CHRM3: variants seen among roughly 807,000 people sequenced by gnomAD.
The protein encoded by CHRM3 is muscarinic acetylcholine receptor M3.
In CHRM3, 11 loss-of-function variants were observed where a neutral mutation model predicts 41.8. That is an observed-to-expected ratio of 0.26 (90% CI 0.17 to 0.44). The LOEUF (loss-of-function observed/expected upper bound fraction) is 0.44. Ranked by LOEUF, CHRM3 falls within the 20% of genes least tolerant of loss-of-function variation. The pLI is 1.00. For missense variants in CHRM3, 571 were observed against 745.4 expected (o/e 0.77, Z 2.72); for synonymous variants, 297 against 301.4 (o/e 0.99, Z 0.15).
intron 5 of CHRM3, among the ~76,000 whole-genome samples, chr1:239,756,495 T>TAGA (rs1363142611): frequency 6.6e-6 from 1 of 152,204 alleles, no homozygotes; most frequent in Non-Finnish European, 1.5e-5. Context: ...GAGATGTTAA[T>TAGA]AGATGTTGAT....
At chr1:239,627,488 T>C (rs975227808) in intron 3 of CHRM3, among the ~76,000 whole-genome samples, 1 of 103,368 alleles carries the variant, frequency 9.7e-6, no homozygotes. Flanking sequence ...AATTGCAGAA[T>C]TTAGTCCATT....
At chr1:239,565,918 T>C (rs1022013436) in intron 3 of CHRM3, among the ~76,000 whole-genome samples, 11 of 148,062 alleles carry the variant, frequency 7.4e-5, no homozygotes, top group African/African-American at 2.2e-4. Context: ...TTCTTTTTTT[T>C]TTTTTTTTTT....
intron 2 of CHRM3, among the ~76,000 whole-genome samples, chr1:239,515,855 T>A (rs1344813726): frequency 6.6e-6 from 1 of 152,188 alleles, no homozygotes; most frequent in Non-Finnish European, 1.5e-5. Context: ...CTATATTTTA[T>A]GTTTATTAAG....
At chr1:239,688,332 G>T (rs1004455586) in intron 5 of CHRM3, among the ~76,000 whole-genome samples, 4 of 145,810 alleles carry the variant, frequency 2.7e-5, no homozygotes, top group Non-Finnish European at 4.5e-5. Flanking sequence ...ATTTGTGTGT[G>T]TTTGTGTGTG....
At chr1:239,799,373 G>T (rs775150259) in intron 5 of CHRM3, among the ~76,000 whole-genome samples, 38 of 152,266 alleles carry the variant, frequency 2.5e-4, no homozygotes, top group Non-Finnish European at 3.8e-4. Flanking sequence ...CATCATAAAT[G>T]CCTTCAAGGA....
intron 4 of CHRM3, among the ~76,000 whole-genome samples, chr1:239,676,528 C>T (rs1352936428): frequency 1.3e-5 from 2 of 152,232 alleles, no homozygotes; most frequent in African/African-American, 4.8e-5. Context: ...GCAAAGCATT[C>T]ACTGTCAAGA....
intron 1 of CHRM3, among the ~76,000 whole-genome samples, chr1:239,434,127 T>C (rs917919723): frequency 1.3e-5 from 2 of 152,228 alleles, no homozygotes; most frequent in Non-Finnish European, 2.9e-5. Flanking sequence ...AATTCCCATC[T>C]CAAAGCTCTA....
chr1:239,455,412 T>C (rs962723526), intron 1 of CHRM3, among the ~76,000 whole-genome samples: 4 of 152,014 alleles, frequency 2.6e-5, no homozygotes, highest in Admixed American at 1.3e-4. Flanking sequence ...TCAAGGGGTG[T>C]TCCAGAAGAA....
chr1:239,864,534 A>G (rs1445707990), intron 6 of CHRM3, among the ~76,000 whole-genome samples: 1 of 132,244 alleles, frequency 7.6e-6, no homozygotes, highest in Non-Finnish European at 1.6e-5. Flanking sequence ...ACACACACAC[A>G]CACACACACA....
At chr1:239,623,483 G>GTA (rs1553342738) in intron 3 of CHRM3, among the ~76,000 whole-genome samples, 97 of 133,566 alleles carry the variant, frequency 7.3e-4, no homozygotes, top group African/African-American at 2.7e-3. Context: ...TGGTGTATAA[G>GTA]TTTTTTTTTT....
chr1:239,784,841 C>T (rs999269222), intron 5 of CHRM3, among the ~76,000 whole-genome samples: 23 of 152,168 alleles, frequency 1.5e-4, no homozygotes, highest in African/African-American at 4.8e-4. Flanking sequence ...CCTCCCTTGA[C>T]ACATTTGGAG....
chr1:239,531,751 C>CT (rs1158265237), intron 2 of CHRM3, among the ~76,000 whole-genome samples: 1 of 135,660 alleles, frequency 7.4e-6, no homozygotes, highest in Non-Finnish European at 1.5e-5. Context: ...CCTCCACCTG[C>CT]TGGGTTCATG....
intron 5 of CHRM3, among the ~76,000 whole-genome samples, chr1:239,761,405 C>T (rs1213152323): frequency 6.6e-6 from 1 of 152,114 alleles, no homozygotes; most frequent in Admixed American, 6.5e-5. Flanking sequence ...TTATGTGTTG[C>T]ATGTTTCTGC....
At position 239,790,988 on chromosome 1, in the gene CHRM3, G is replaced by GT. The variant is rs1378258402; in HGVS notation, c.-146-36257dup. Among the ~76,000 whole-genome samples the GT allele has an allele frequency of 6.5e-5, 9 of 138,124 alleles. No individual in the cohort carries two copies. In the East Asian group the frequency reaches 1.5e-3, roughly 24 times the overall value. The allele number at this position is 138,124 out of a possible 152,430, so 90.6% of individuals were successfully genotyped here. A position where few individuals can be genotyped will look rare whatever the true frequency, so the allele number is the denominator to read the frequency against. ...CAAGAGAGATTTTATTTTGTTTTTT[G>GT]TTTTTTTCTGGTAAAATATCACCAA... On this transcript the variant is annotated intron_variant, in intron 5 of 6. Coordinates refer to ENST00000676153, the MANE Select transcript of CHRM3 (RefSeq NM_001375978.1).
At chr1:239,745,657 C>G (rs924901280) in intron 5 of CHRM3, among the ~76,000 whole-genome samples, 4 of 151,994 alleles carry the variant, frequency 2.6e-5, no homozygotes, top group Middle Eastern at 3.2e-3. Context: ...GCCCCCACCA[C>G]CCTTTAGAAG....
intron 6 of CHRM3, among the ~76,000 whole-genome samples, chr1:239,903,067 C>G (rs1001650024): frequency 6.6e-6 from 1 of 152,086 alleles, no homozygotes; most frequent in Non-Finnish European, 1.5e-5. Context: ...ATTTAATTAA[C>G]CTAATATAGA....
At chr1:239,703,698 C>G (rs1660888847) in intron 5 of CHRM3, 1 of 152,148 alleles carries the variant, frequency 6.6e-6, no homozygotes, top group African/African-American at 2.4e-5. Context: ...TTGATTCACT[C>G]TATTCAGAAT....
At chr1:239,615,106 A>T (rs1299922224) in intron 3 of CHRM3, among the ~76,000 whole-genome samples, 1 of 152,210 alleles carries the variant, frequency 6.6e-6, no homozygotes, top group Non-Finnish European at 1.5e-5. Context: ...CAGGCTTTGA[A>T]AAAGCATATT....
intron 1 of CHRM3, among the ~76,000 whole-genome samples, chr1:239,448,052 G>A (rs760378517): frequency 9.2e-5 from 14 of 152,082 alleles, no homozygotes; most frequent in Non-Finnish European, 1.9e-4. Context: ...ACCATTTCAC[G>A]GTGACATAAT....
Sources: gnomAD v4.1 joint callset for allele counts (sites outside exome capture counted in the v4.1 genomes callset) on GRCh38, gnomAD v4.1.1 for gene constraint, MANE v1.5 for transcripts, NCBI Gene and HGNC (gene_info 2026-07-23, HGNC 2026-07-21) for gene names.